TEAD4: variants seen among roughly 807,000 people sequenced by gnomAD.
TEAD4 encodes the protein transcriptional enhancer factor TEF-3.
A neutral mutation model predicts 52.4 loss-of-function variants in TEAD4; 36 were observed. The observed-to-expected ratio is 0.69, with a 90% confidence interval of 0.53 to 0.91. The LOEUF is 0.91. Among genes scored for constraint, TEAD4 ranks in the 40% least tolerant of loss-of-function variants. The pLI is 0.00. For synonymous variants in TEAD4, 220 were observed against 231.0 expected (o/e 0.95, Z 0.43); for missense variants, 508 against 583.9 (o/e 0.87, Z 1.34).
chr12:2,961,819 C>T (rs1216887515), intron 2 of TEAD4, among the ~76,000 whole-genome samples: 1 of 152,140 alleles, frequency 6.6e-6, no homozygotes, highest in East Asian at 1.9e-4. Context: ...TAGTGTTTCT[C>T]TGAGCACCAT....
chr12:3,035,034 A>C (rs2098278514), intron 10 of TEAD4, among the ~76,000 whole-genome samples: 1 of 152,130 alleles, frequency 6.6e-6, no homozygotes, highest in South Asian at 2.1e-4. Flanking sequence ...CCGGCAGGCG[A>C]AGGTTGCAGT....
chr12:3,006,519 C>T (rs909189882), intron 3 of TEAD4, among the ~76,000 whole-genome samples: 1 of 151,678 alleles, frequency 6.6e-6, no homozygotes, highest in Non-Finnish European at 1.5e-5. Flanking sequence ...CATGGAGAAA[C>T]CTTATCTCTA....
chr12:2,962,960 G>T lies in TEAD4; in HGVS notation c.-30+2920G>T, dbSNP rs771339761. Among the ~76,000 whole-genome samples the T allele has an allele frequency of 4.6e-5, 7 of 152,178 alleles. No homozygotes were observed. The East Asian group carries it at 1.2e-3, about 25-fold the overall frequency. On this transcript the variant is annotated intron_variant, in intron 2 of 12. Transcript: ENST00000359864. ...CTAGCCGCCTTCATCCAACAGGCGC[G>T]GAAGCTGGAGCAGACTGACTTGGGC... is the stretch of plus-strand genomic sequence containing the variant.
At position 2,985,871 on chromosome 12, in the gene TEAD4, G is replaced by A. The variant is rs533180449; in HGVS notation, c.-29-8867G>A. On this transcript the variant is annotated intron_variant, in intron 2 of 12. Coordinates refer to ENST00000359864, the MANE Select transcript of TEAD4 (RefSeq NM_003213.4). ...GAGGCCGAGGCGGGTGGATCACTACGTCAGGAGTTCAAGACCAGCCTGGCC... is the reference window on the plus strand; with the variant it reads ...GAGGCCGAGGCGGGTGGATCACTACATCAGGAGTTCAAGACCAGCCTGGCC... Among the ~76,000 whole-genome samples, 14 of 151,684 alleles carry A rather than the reference G, an allele frequency of 9.2e-5. No homozygotes were observed. In the East Asian group the frequency reaches 1.4e-3, roughly 15 times the overall value.
In TEAD4 at chr12:2,972,743, C is replaced by T. The variant is rs565703975; in HGVS notation, c.-30+12703C>T. Among the ~76,000 whole-genome samples, 16 of 152,076 alleles carry T rather than the reference C, an allele frequency of 1.1e-4. No homozygotes were observed. In the South Asian group the frequency reaches 2.1e-3, roughly 20 times the overall value. ...CTCGAACTCCTGACCTCAGGTGATCCGCCCGCCTCGGCCTCCCAAAGTGCT... is the reference window on the plus strand; with the variant it reads ...CTCGAACTCCTGACCTCAGGTGATCTGCCCGCCTCGGCCTCCCAAAGTGCT... On this transcript the variant is annotated intron_variant, in intron 2 of 12. Coordinates refer to ENST00000359864, the MANE Select transcript of TEAD4 (RefSeq NM_003213.4).
At chr12:2,975,897 C>T (rs2098229248) in intron 2 of TEAD4, among the ~76,000 whole-genome samples, 1 of 152,134 alleles carries the variant, frequency 6.6e-6, no homozygotes. Flanking sequence ...TGTAGTTTTG[C>T]CTTTTCTAGA....
chr12:3,026,789 AGG>A (rs1450621736), intron 10 of TEAD4, among the ~76,000 whole-genome samples: 1 of 152,194 alleles, frequency 6.6e-6, no homozygotes, highest in Non-Finnish European at 1.5e-5. Context: ...CCTACAGTTA[AGG>A]GTGAATTAGA....
Position 3,017,404 on chromosome 12 carries a change from G to A in TEAD4, c.361G>A (p.Ala121Thr). The A allele has an allele frequency of 1.9e-6, 3 of 1,614,112 alleles. No individual in the cohort carries two copies. Among genetic ancestry groups the A allele is most frequent in the Non-Finnish European group, 2.5e-6 (3 of 1,180,030 alleles). The change falls in exon 6 of 13, where the codon GCA (alanine) becomes ACA (threonine). Residue 121 changes from alanine to threonine, a missense_variant. Transcript: ENST00000359864. The stretch of plus-strand genomic sequence containing the variant: ...CTTGCAATGTCTCCCCCAGGACCAG[G>A]CAGCTAAGGACAAGGCCCTGCAGAG...
At chr12:2,975,125 A>G (rs1310681828) in intron 2 of TEAD4, among the ~76,000 whole-genome samples, 2 of 150,228 alleles carry the variant, frequency 1.3e-5, no homozygotes, top group Admixed American at 6.7e-5. Context: ...GCTTTATTCT[A>G]GAACCCTGAA....
At chr12:2,996,465 A>T (rs181529456) in intron 3 of TEAD4, among the ~76,000 whole-genome samples, 1 of 149,372 alleles carries the variant, frequency 6.7e-6, no homozygotes. Flanking sequence ...CTAGAGTGCA[A>T]TGGGCGCAAT....
In TEAD4 at chr12:3,000,411, C is replaced by T. The variant is rs112693430; in HGVS notation, c.226+5419C>T. Among the ~76,000 whole-genome samples the T allele has an allele frequency of 7.3e-3, 1,118 of 152,252 alleles. 6 individuals are homozygous for T. The highest frequency in any genetic ancestry group is 0.012 in the Non-Finnish European group (844 of 68,026). On this transcript the variant is annotated intron_variant, in intron 3 of 12. Coordinates refer to ENST00000359864, the MANE Select transcript of TEAD4 (RefSeq NM_003213.4). The stretch of plus-strand genomic sequence containing the variant: ...TGCTGGAGGGAACTCTGCAGAGTCC[C>T]GAGGTGGTGCAGGCATCCCGTGGCG...
chr12:2,986,446 T>C (rs1347067068), intron 2 of TEAD4, among the ~76,000 whole-genome samples: 1 of 151,942 alleles, frequency 6.6e-6, no homozygotes, highest in Non-Finnish European at 1.5e-5. Flanking sequence ...GAGACCAGCC[T>C]GGCCAACATG....
intron 3 of TEAD4, among the ~76,000 whole-genome samples, chr12:2,996,370 C>T (rs1338551032): frequency 6.6e-6 from 1 of 152,044 alleles, no homozygotes; most frequent in Non-Finnish European, 1.5e-5. Context: ...ACTTCTTGCT[C>T]TGATGGTTGC....
At chr12:3,031,956 G>C (rs1399458451) in intron 10 of TEAD4, among the ~76,000 whole-genome samples, 2 of 152,152 alleles carry the variant, frequency 1.3e-5, no homozygotes, top group Non-Finnish European at 2.9e-5. Flanking sequence ...AGAAGGCTCT[G>C]AATTGTCTAA....
At chr12:3,006,580 A>G (rs2098256079) in intron 3 of TEAD4, among the ~76,000 whole-genome samples, 1 of 152,148 alleles carries the variant, frequency 6.6e-6, no homozygotes, top group Non-Finnish European at 1.5e-5. Context: ...ACTACTTGGG[A>G]GGCTGAGGCA....
chr12:3,033,265 T>G (rs1268594005), intron 10 of TEAD4, among the ~76,000 whole-genome samples: 1 of 152,166 alleles, frequency 6.6e-6, no homozygotes, highest in Admixed American at 6.5e-5. Flanking sequence ...TGGGACACAT[T>G]TCCAGCTAGA....
intron 10 of TEAD4, among the ~76,000 whole-genome samples, chr12:3,030,198 GT>G (rs544735075): frequency 1.3e-5 from 2 of 152,108 alleles, no homozygotes; most frequent in African/African-American, 4.8e-5. Context: ...TTGTTGGTGT[GT>G]TTTTTAATTT....
In TEAD4 at chr12:2,994,630, G is replaced by A; in HGVS notation, c.-29-108G>A. 4.3e-6 allele frequency: 6 copies of A among 1,390,248 alleles called. No homozygotes were observed. The highest frequency in any genetic ancestry group is 5.7e-6 in the Non-Finnish European group (6 of 1,058,660). 86.1% of individuals were successfully genotyped at this position (1,390,248 alleles called of 1,614,324 possible). ...TCACAGATCTTTCACTTCACGCTTT[G>A]CTTCCTGAGCAACTGATTCGGGCTC... On this transcript the variant is annotated intron_variant, in intron 2 of 12. Transcript: ENST00000359864. The surrounding 1 kb of genome is among the most constrained non-coding windows in gnomAD (Gnocchi z 4.7).
At position 3,040,092 on chromosome 12, in the gene TEAD4, C is replaced by A. The variant is rs751151072; in HGVS notation, c.1039-15C>A. 1.2e-6 allele frequency: 2 copies of A among 1,613,704 alleles called. No individual in the cohort carries two copies. The highest frequency in any genetic ancestry group is 2.2e-5 in the South Asian group (2 of 91,046). ...GAATGGGATTCTAAGCCCCTGCTCT[C>A]CCCGGGTCCTGCAGACAGAGTATGC... On this transcript the variant is annotated splice_polypyrimidine_tract_variant and intron_variant, in intron 11 of 12. Transcript: ENST00000359864.
Sources: gnomAD v4.1 joint callset for allele counts (sites outside exome capture counted in the v4.1 genomes callset) on GRCh38, gnomAD v4.1.1 for gene constraint, Gnocchi (gnomAD v3.1) non-coding constraint, MANE v1.5 for transcripts, NCBI Gene and HGNC (gene_info 2026-07-23, HGNC 2026-07-21) for gene names.